PAICS: variants seen among roughly 807,000 people sequenced by gnomAD.
The protein encoded by PAICS is phosphoribosylaminoimidazole carboxylase and phosphoribosylaminoimidazolesuccinocarboxamide synthase.
A neutral mutation model predicts 53.7 loss-of-function variants in PAICS; 33 were observed. That is an observed-to-expected ratio of 0.61 (90% CI 0.47 to 0.82). The LOEUF (loss-of-function observed/expected upper bound fraction) is 0.82. Among genes scored for constraint, PAICS ranks in the 40% least tolerant of loss-of-function variants. The pLI is 0.00. For missense variants in PAICS, 394 were observed against 494.1 expected, an observed-to-expected ratio of 0.80 and a Z score of 1.92; for synonymous variants, 141 against 167.2, an observed-to-expected ratio of 0.84 and a Z score of 1.21.
intron 6 of PAICS, among the ~76,000 whole-genome samples, chr4:56,451,348 T>G (rs1718908701): frequency 6.6e-6 from 1 of 152,204 alleles, no homozygotes; most frequent in South Asian, 2.1e-4. Flanking sequence ...GAACTCTGTG[T>G]GACTTTAAAT....
At chr4:56,430,409 C>T in the PAICS span, among the ~76,000 whole-genome samples, 1 of 152,118 alleles carries the variant, frequency 6.6e-6, no homozygotes, top group African/African-American at 2.4e-5. Flanking sequence ...GAAGTCTACG[C>T]TCCTGAACCA....
At chr4:56,436,065 A>C, upstream of PAICS, 1 of 1,488,090 alleles carries the variant, frequency 6.7e-7, no homozygotes, top group Non-Finnish European at 8.9e-7. Flanking sequence ...GGCGGCCCGG[A>C]GGCGGGGTCG....
intron 5 of PAICS, among the ~76,000 whole-genome samples, chr4:56,449,047 A>C (rs548449098): frequency 6.6e-6 from 1 of 152,202 alleles, no homozygotes; most frequent in Non-Finnish European, 1.5e-5. Flanking sequence ...TATCTTAATA[A>C]CATTGTCACA....
the PAICS span, among the ~76,000 whole-genome samples, chr4:56,417,834 G>GTTT: frequency 1.8e-3 from 204 of 111,146 alleles, 1 homozygote; most frequent in African/African-American, 6.8e-3. Context: ...TTGAAGATTT[G>GTTT]GTTTTTTGTT....
At chr4:56,435,265 C>T, upstream of PAICS, 2 of 1,579,352 alleles carry the variant, frequency 1.3e-6, no homozygotes, top group Non-Finnish European at 1.7e-6. Context: ...CCCGGGCCCT[C>T]GGGCGCTCAT....
the PAICS span, among the ~76,000 whole-genome samples, chr4:56,415,645 T>G: frequency 6.6e-6 from 1 of 152,208 alleles, no homozygotes; most frequent in Non-Finnish European, 1.5e-5. Context: ...AGCTATTTGA[T>G]CATACATGCC....
intron 8 of PAICS, among the ~76,000 whole-genome samples, chr4:56,456,148 A>G (rs1027062614): frequency 1.3e-5 from 2 of 152,044 alleles, no homozygotes; most frequent in Admixed American, 6.6e-5. Context: ...CTGGAGTGCA[A>G]TGGCGCAATC....
At chr4:56,434,169 C>G (rs1348050733), upstream of PAICS, among the ~76,000 whole-genome samples, 1 of 152,194 alleles carries the variant, frequency 6.6e-6, no homozygotes, top group Non-Finnish European at 1.5e-5. Context: ...TAAAAATATT[C>G]TTTTTGATGC....
the PAICS span, among the ~76,000 whole-genome samples, chr4:56,427,188 T>C: frequency 6.6e-6 from 1 of 152,370 alleles, no homozygotes; most frequent in South Asian, 2.1e-4. Flanking sequence ...GCTATGAATG[T>C]GGATGTATAA....
chr4:56,414,489 A>C, the PAICS span, among the ~76,000 whole-genome samples: 3 of 152,204 alleles, frequency 2.0e-5, no homozygotes, highest in Non-Finnish European at 4.4e-5. Flanking sequence ...TTCAGTGGTC[A>C]ATTTCCCCTC....
At chr4:56,411,947 A>G in the PAICS span, among the ~76,000 whole-genome samples, 1 of 152,210 alleles carries the variant, frequency 6.6e-6, no homozygotes, top group Non-Finnish European at 1.5e-5. Flanking sequence ...CATTTCTGAG[A>G]TGACACCAAA....
intron 8 of PAICS, among the ~76,000 whole-genome samples, chr4:56,457,711 G>T (rs1719294799): frequency 6.7e-6 from 1 of 149,012 alleles, no homozygotes; most frequent in Non-Finnish European, 1.5e-5. Flanking sequence ...TGTTGCCCAG[G>T]CTAGAATGCA....
At chr4:56,420,015 T>C in the PAICS span, 13 of 985,134 alleles carry the variant, frequency 1.3e-5, no homozygotes, top group Non-Finnish European at 1.3e-5. Flanking sequence ...TGTCACAGAA[T>C]GTGCCAACGT....
At chr4:56,449,658 C>A (rs1246238713) in intron 5 of PAICS, among the ~76,000 whole-genome samples, 4 of 151,966 alleles carry the variant, frequency 2.6e-5, no homozygotes, top group Admixed American at 6.6e-5. Flanking sequence ...TATACACACA[C>A]CATGGAATAC....
intron 8 of PAICS, among the ~76,000 whole-genome samples, chr4:56,454,678 C>CT (rs1719098626): frequency 6.6e-6 from 1 of 151,820 alleles, no homozygotes; most frequent in Admixed American, 6.6e-5. Flanking sequence ...GATTTGGCTT[C>CT]TTACATTTCT....
At chr4:56,430,995 T>TA (rs573664673), upstream of PAICS, among the ~76,000 whole-genome samples, 33 of 147,458 alleles carry the variant, frequency 2.2e-4, no homozygotes, top group Non-Finnish European at 3.5e-4. Context: ...AGCTAAGTTC[T>TA]AAAAAAAAAA....
chr4:56,422,249 G>A, the PAICS span: 2 of 152,276 alleles, frequency 1.3e-5, no homozygotes, highest in East Asian at 3.9e-4. Flanking sequence ...ACCACAGCCT[G>A]AGCAACAGAG....
In PAICS at chr4:56,462,552, T is replaced by G. The variant is rs1719554011; in HGVS notation, c.*3014T>G. 6.6e-6 allele frequency: 1 copy of G among 152,210 alleles called. No individual in the cohort carries two copies. Among genetic ancestry groups the G allele is most frequent in the South Asian group, 2.1e-4 (1 of 4,834 alleles). 9.4% of individuals were successfully genotyped at this position (152,210 alleles called of 1,614,324 possible). On this transcript the variant is annotated 3_prime_UTR_variant, in exon 9 of 9. Coordinates refer to ENST00000512576, the MANE Select transcript of PAICS (RefSeq NM_001079524.2). ...CTAATTTTTTTGTGCCTCAATTTCA[T>G]GAAATGAAAATGCGACTAATACCAC...
intron 1 of PAICS, among the ~76,000 whole-genome samples, chr4:56,438,612 A>AT (rs1022044728): frequency 6.6e-6 from 1 of 150,836 alleles, no homozygotes; most frequent in Admixed American, 6.6e-5. Context: ...TTTTTTTTGT[A>AT]TTTTTTAGTA....
Sources: allele counts gnomAD v4.1 joint callset (sites outside exome capture counted in the v4.1 genomes callset), GRCh38; gene constraint gnomAD v4.1.1; transcripts MANE v1.5; gene names NCBI Gene and HGNC (gene_info 2026-07-23, HGNC 2026-07-21).